The following NEDD4 variants were observed in gnomAD, a reference collection of about 807,000 sequenced individuals.
NEDD4 encodes E3 ubiquitin-protein ligase NEDD4.
NEDD4 carries 99 observed loss-of-function variants against 144.9 expected under a neutral mutation model. The ratio of observed to expected loss-of-function variants is 0.68; its 90% confidence interval spans 0.58 to 0.81. NEDD4 has a LOEUF of 0.81. Among genes scored for constraint, NEDD4 ranks in the 30% least tolerant of loss-of-function variants. NEDD4 has a pLI of 0.00. For synonymous variants in NEDD4, 318 were observed against 350.6 expected (o/e 0.91, Z 1.04); for missense variants, 985 against 1,065.9 (o/e 0.92, Z 1.06).
At chr15:55,839,990 AAAAAAAAAAATATATATATATAT>A (rs2033400611) in intron 21 of NEDD4, among the ~76,000 whole-genome samples, 1 of 55,730 alleles carries the variant, frequency 1.8e-5, no homozygotes, top group Non-Finnish European at 3.3e-5. Flanking sequence ...AAAAAAAAAA[AAAAAAAAAAATATATATATATAT>A]ATATATATAT....
At chr15:55,884,265 A>C (rs1457622481) in intron 5 of NEDD4, among the ~76,000 whole-genome samples, 6 of 152,168 alleles carry the variant, frequency 3.9e-5, no homozygotes, top group Non-Finnish European at 8.8e-5. Flanking sequence ...GCAGCAACCA[A>C]AACTCAGATC....
chr15:55,971,342 G>A (rs2037604715), intron 1 of NEDD4, among the ~76,000 whole-genome samples: 1 of 152,016 alleles, frequency 6.6e-6, no homozygotes, highest in Non-Finnish European at 1.5e-5. Context: ...AACAGTTATT[G>A]GGCCGGGCAT....
At chr15:55,895,609 A>G (rs2035713798) in intron 5 of NEDD4, among the ~76,000 whole-genome samples, 1 of 152,214 alleles carries the variant, frequency 6.6e-6, no homozygotes, top group Admixed American at 6.5e-5. Flanking sequence ...TAGGCTATTT[A>G]AAGACAGATT....
intron 4 of NEDD4, among the ~76,000 whole-genome samples, chr15:55,928,156 C>T (rs1490535718): frequency 2.0e-5 from 3 of 152,032 alleles, no homozygotes; most frequent in Non-Finnish European, 2.9e-5. Context: ...ACTACAGGGG[C>T]GTGCCACCAG....
Position 55,828,843 on chromosome 15 carries a change from CTT to C in NEDD4, c.*1052_*1053del, listed in dbSNP as rs1171886024. On this transcript the variant is annotated 3_prime_UTR_variant, in exon 29 of 29. Coordinates refer to ENST00000435532, the MANE Select transcript of NEDD4 (RefSeq NM_006154.4). ...ATACAAATTATGCATTATAACAACT[CTT>C]TGGTTATTTTAAACAAATTATTTGG... 8 of 152,690 alleles carry C rather than the reference CTT, an allele frequency of 5.2e-5. No individual in the cohort carries two copies. Among genetic ancestry groups the C allele is most frequent in the South Asian group, 2.1e-4 (1 of 4,812 alleles). 9.5% of individuals were successfully genotyped at this position (152,690 alleles called of 1,614,324 possible). A position where few individuals can be genotyped will look rare whatever the true frequency, so the allele number is the denominator to read the frequency against.
At chr15:55,846,529 CAG>C (rs1307703428) in intron 18 of NEDD4, among the ~76,000 whole-genome samples, 8 of 152,098 alleles carry the variant, frequency 5.3e-5, no homozygotes, top group African/African-American at 1.9e-4. Flanking sequence ...TTAAATTATG[CAG>C]AGACATTACA....
In NEDD4 at chr15:55,830,613, A is replaced by G. The variant is rs770890186; in HGVS notation, c.2528-27T>C. The G allele has an allele frequency of 2.5e-4, 406 of 1,598,648 alleles. 1 individual carries two copies. Among genetic ancestry groups the G allele is most frequent in the Non-Finnish European group, 4.5e-5 (52 of 1,166,014 alleles). On this transcript the variant is annotated intron_variant, in intron 27 of 28. Coordinates refer to ENST00000435532, the MANE Select transcript of NEDD4 (RefSeq NM_006154.4). ...TATAAGGAAGAATTTATTTGGTTTC[A>G]TTTACTCTCTACAAGGATCTCCAGG...
At chr15:55,914,867 AGAG>A (rs1441344594) in intron 5 of NEDD4, among the ~76,000 whole-genome samples, 1 of 152,054 alleles carries the variant, frequency 6.6e-6, no homozygotes, top group Non-Finnish European at 1.5e-5. Context: ...ATGATTAAGA[AGAG>A]GAGAAAACAA....
chr15:55,941,155 A>C (rs1230165969), intron 4 of NEDD4, among the ~76,000 whole-genome samples: 4 of 151,980 alleles, frequency 2.6e-5, no homozygotes, highest in Non-Finnish European at 5.9e-5. Flanking sequence ...GTTGTATATC[A>C]ATTTCATTAA....
intron 22 of NEDD4, 55 bp from the exon 23 acceptor site, chr15:55,838,235 G>GT: frequency 8.1e-7 from 1 of 1,235,132 alleles, no homozygotes; most frequent in East Asian, 2.5e-5. Flanking sequence ...AATTTAAAAA[G>GT]TATACATATT....
chr15:55,916,073 G>T, intron 5 of NEDD4: 1 of 1,613,954 alleles, frequency 6.2e-7, no homozygotes, highest in Non-Finnish European at 8.5e-7. Context: ...TTGTGTTCCT[G>T]CTCACTGGCA....
intron 1 of NEDD4, among the ~76,000 whole-genome samples, chr15:55,984,346 C>A (rs1050246886): frequency 3.9e-5 from 6 of 152,146 alleles, no homozygotes; most frequent in Non-Finnish European, 8.8e-5. Context: ...GGTTCTTGAA[C>A]AAATCAGAAT....
chr15:55,858,624 TTGAC>T (rs774656454), intron 11 of NEDD4, among the ~76,000 whole-genome samples: 2 of 152,194 alleles, frequency 1.3e-5, no homozygotes, highest in Non-Finnish European at 2.9e-5. Context: ...GTTTAGGTCT[TTGAC>T]TGACCTGTCC....
At chr15:55,858,375 C>T (rs2034277333) in intron 11 of NEDD4, among the ~76,000 whole-genome samples, 3 of 151,998 alleles carry the variant, frequency 2.0e-5, no homozygotes, top group African/African-American at 2.4e-5. Context: ...GGTGCAATCT[C>T]GGCTCACTGC....
Position 55,860,435 on chromosome 15 carries a change from G to A in NEDD4, c.932C>T (p.Ser311Leu). ...LNARLTIFGN[S>L]AVSQPASSSN... ...GCTCGATGCTGGCTGGCTCACGGCTGAATTTCCAAAAATGGTGAGTCTGGC... is the reference window on the plus strand; with the variant it reads ...GCTCGATGCTGGCTGGCTCACGGCTAAATTTCCAAAAATGGTGAGTCTGGC... The change falls in exon 11 of 29, where the codon TCA becomes TTA. Residue 311 changes from serine (S) to leucine (L), a missense_variant. Ser to Leu is a moderately radical substitution (Grantham distance 145). Coordinates refer to ENST00000435532, the MANE Select transcript of NEDD4 (RefSeq NM_006154.4). The A allele has an allele frequency of 1.2e-6, 2 of 1,614,078 alleles. No individual in the cohort carries two copies. The highest frequency in any genetic ancestry group is 2.2e-5 in the South Asian group (2 of 91,074).
chr15:55,966,335 C>T lies in NEDD4; in HGVS notation c.119+138G>A, dbSNP rs192112137. 4.3e-4 allele frequency: 244 copies of T among 564,856 alleles called. No homozygotes were observed. The African/African-American group carries it at 4.4e-3, about 10-fold the overall frequency. The allele number at this position is 564,856 out of a possible 1,614,324, so 35.0% of individuals were successfully genotyped here. On this transcript the variant is annotated intron_variant, in intron 2 of 28. Transcript: ENST00000435532. The stretch of plus-strand genomic sequence containing the variant: ...TCAGATACCAAGAGATTTAGTAAAC[C>T]ACCAACTGGTAATATTATTATTATA...
intron 6 of NEDD4, among the ~76,000 whole-genome samples, chr15:55,873,186 G>T (rs999368014): frequency 1.8e-4 from 27 of 152,164 alleles, no homozygotes; most frequent in African/African-American, 6.3e-4. Flanking sequence ...CACGTTGACT[G>T]AGGGTCAATG....
intron 21 of NEDD4, among the ~76,000 whole-genome samples, chr15:55,840,041 T>TATATATAA (rs1428035593): frequency 2.3e-4 from 16 of 70,478 alleles, no homozygotes; most frequent in African/African-American, 7.2e-4. Flanking sequence ...TATATATATA[T>TATATATAA]AACATTCATC....
At chr15:55,949,825 T>C (rs554075501) in intron 4 of NEDD4, among the ~76,000 whole-genome samples, 2 of 151,816 alleles carry the variant, frequency 1.3e-5, no homozygotes, top group African/African-American at 4.8e-5. Context: ...TGGGGAGGGA[T>C]AGTATTAGGA....
Sources: allele counts gnomAD v4.1 joint callset (sites outside exome capture counted in the v4.1 genomes callset), GRCh38; gene constraint gnomAD v4.1.1; transcripts MANE v1.5; gene names NCBI Gene and HGNC (gene_info 2026-07-23, HGNC 2026-07-21).